The following POU2F1 variants were observed in gnomAD, a reference collection of about 807,000 sequenced individuals.
POU2F1 encodes the protein POU class 2 homeobox 1, also known as POU domain, class 2, transcription factor 1.
Under a neutral mutation model 84.9 loss-of-function variants are expected in POU2F1, and 16 were observed. That is an observed-to-expected ratio of 0.19 (90% CI 0.13 to 0.29). The LOEUF (loss-of-function observed/expected upper bound fraction) is 0.29. Among genes scored for constraint, POU2F1 ranks in the 10% least tolerant of loss-of-function variants. The pLI, the probability that POU2F1 is intolerant of heterozygous loss-of-function variation, is 1.00. For missense variants in POU2F1, 738 were observed against 942.6 expected (o/e 0.78, Z 2.84); for synonymous variants, 368 against 368.3 (o/e 1.00, Z 0.01).
intron 1 of POU2F1, among the ~76,000 whole-genome samples, chr1:167,322,177 A>G (rs1656358821): frequency 6.6e-6 from 1 of 152,124 alleles, no homozygotes; most frequent in Non-Finnish European, 1.5e-5. Context: ...CAGTAATTTG[A>G]TTCACCCAAT....
intron 1 of POU2F1, among the ~76,000 whole-genome samples, chr1:167,328,863 G>T (rs938307681): frequency 6.6e-6 from 1 of 152,180 alleles, no homozygotes; most frequent in Non-Finnish European, 1.5e-5. Flanking sequence ...GGACTTCAAA[G>T]TGCTGGCTGC....
intron 7 of POU2F1, chr1:167,380,822 A>G (rs991913253): frequency 2.6e-5 from 4 of 152,220 alleles, no homozygotes; most frequent in Non-Finnish European, 5.9e-5. Context: ...TGCTATGATT[A>G]TATAACTGTA....
chr1:167,297,148 A>G (rs1473891834), intron 1 of POU2F1, among the ~76,000 whole-genome samples: 2 of 152,216 alleles, frequency 1.3e-5, no homozygotes, highest in Admixed American at 1.3e-4. Context: ...AGTTTTGCAG[A>G]GTTTTGGCAA....
At chr1:167,296,676 A>C (rs1039825891) in intron 1 of POU2F1, among the ~76,000 whole-genome samples, 1 of 152,220 alleles carries the variant, frequency 6.6e-6, no homozygotes, top group African/African-American at 2.4e-5. Flanking sequence ...AGATTGAAAC[A>C]AAAAATAGAA....
At chr1:167,305,067 C>T (rs1315360532) in intron 1 of POU2F1, among the ~76,000 whole-genome samples, 3 of 152,108 alleles carry the variant, frequency 2.0e-5, no homozygotes, top group Non-Finnish European at 2.9e-5. Flanking sequence ...TTGCCAAAAC[C>T]AGGAGAATCT....
At chr1:167,328,910 C>A in intron 1 of POU2F1, 1 of 393,884 alleles carries the variant, frequency 2.5e-6, no homozygotes, top group Non-Finnish European at 3.5e-6. Context: ...AGGCCCTAAT[C>A]ACGCGCATAC....
Position 167,322,851 on chromosome 1 carries a change from A to C in POU2F1, c.62-9619A>C, listed in dbSNP as rs150022582. On this transcript the variant is annotated intron_variant, in intron 1 of 15. Transcript: ENST00000367866. ...CTGGCTGGTTATCTGCAGCAGGAAC[A>C]TGTCCTTAAGGCACAGATCACTCAT... Among the ~76,000 whole-genome samples, 1,349 of 152,356 alleles carry C rather than the reference A, an allele frequency of 8.9e-3. 19 individuals carry two copies. The highest frequency in any genetic ancestry group is 0.03 in the African/African-American group (1,266 of 41,580).
intron 8 of POU2F1, among the ~76,000 whole-genome samples, chr1:167,388,781 A>T (rs1434502482): frequency 2.0e-5 from 3 of 152,166 alleles, no homozygotes; most frequent in Non-Finnish European, 4.4e-5. Flanking sequence ...ATTTTGGTTA[A>T]TTTGGGGTTT....
chr1:167,231,003 A>T (rs1481417954), intron 1 of POU2F1, among the ~76,000 whole-genome samples: 1 of 152,236 alleles, frequency 6.6e-6, no homozygotes, highest in East Asian at 1.9e-4. Flanking sequence ...TACTTGTTGC[A>T]CTTCAAGATT....
intron 2 of POU2F1, among the ~76,000 whole-genome samples, chr1:167,362,773 C>T (rs988570967): frequency 3.3e-5 from 5 of 152,098 alleles, no homozygotes; most frequent in Non-Finnish European, 2.9e-5. Flanking sequence ...GCTTTGGGAC[C>T]ACCTAGGGGT....
chr1:167,400,288 G>A (rs1004106979), intron 12 of POU2F1, among the ~76,000 whole-genome samples: 2 of 151,916 alleles, frequency 1.3e-5, no homozygotes, highest in Non-Finnish European at 2.9e-5. Context: ...GAGCCACTGC[G>A]CCCAGCCCAC....
At chr1:167,329,010 TGA>T (rs1656894835) in intron 1 of POU2F1, 1 of 1,081,764 alleles carries the variant, frequency 9.2e-7, no homozygotes, top group Admixed American at 5.2e-5. Context: ...TCAGTTGCCT[TGA>T]CAATGTCAGT....
chr1:167,345,030 G>A (rs983728156), intron 2 of POU2F1, among the ~76,000 whole-genome samples: 1 of 152,218 alleles, frequency 6.6e-6, no homozygotes, highest in African/African-American at 2.4e-5. Flanking sequence ...CATGGACACA[G>A]GGAGGGGAAC....
At chr1:167,235,946 C>T (rs1202150949) in intron 1 of POU2F1, among the ~76,000 whole-genome samples, 1 of 152,154 alleles carries the variant, frequency 6.6e-6, no homozygotes, top group Non-Finnish European at 1.5e-5. Flanking sequence ...AAATTTTGTA[C>T]ATGTCGTCAG....
chr1:167,225,145 C>G (rs1648535572), intron 1 of POU2F1, among the ~76,000 whole-genome samples: 1 of 152,136 alleles, frequency 6.6e-6, no homozygotes, highest in Non-Finnish European at 1.5e-5. Context: ...ACTTTCTTAA[C>G]TCTCCCACCT....
intron 1 of POU2F1, among the ~76,000 whole-genome samples, chr1:167,304,990 A>G (rs541226383): frequency 5.9e-5 from 9 of 152,334 alleles, no homozygotes; most frequent in Admixed American, 3.3e-4. Flanking sequence ...ATTATCATGA[A>G]TGAAACTGTA....
At chr1:167,323,143 A>G (rs1656446325) in intron 1 of POU2F1, among the ~76,000 whole-genome samples, 1 of 152,216 alleles carries the variant, frequency 6.6e-6, no homozygotes, top group Admixed American at 6.5e-5. Context: ...TGTGGAATCC[A>G]TTAATGATTG....
At chr1:167,298,256 G>A (rs1270841040) in intron 1 of POU2F1, among the ~76,000 whole-genome samples, 1 of 152,074 alleles carries the variant, frequency 6.6e-6, no homozygotes, top group Non-Finnish European at 1.5e-5. Flanking sequence ...ATGACTCCAG[G>A]ATTTTTTTCT....
chr1:167,308,980 T>C (rs1370837832), intron 1 of POU2F1, among the ~76,000 whole-genome samples: 1 of 152,228 alleles, frequency 6.6e-6, no homozygotes. Context: ...GCAATAGTTA[T>C]AATTCATTCA....
Sources: allele counts gnomAD v4.1 joint callset (sites outside exome capture counted in the v4.1 genomes callset), GRCh38; gene constraint gnomAD v4.1.1; transcripts MANE v1.5; gene names NCBI Gene and HGNC (gene_info 2026-07-23, HGNC 2026-07-21).